The following NDRG3 variants were observed in gnomAD, a reference collection of about 807,000 sequenced individuals.
NDRG3 encodes the protein NDRG family member 3, also known as protein NDRG3.
Under a neutral mutation model 57.2 loss-of-function variants are expected in NDRG3, and 23 were observed. The observed-to-expected ratio is 0.40, with a 90% CI of 0.29 to 0.57. NDRG3 has a LOEUF of 0.57. NDRG3 is among the 20% of genes least tolerant of loss of function. The probability of loss-of-function intolerance (pLI) is 0.42; values close to 1 mark genes in which losing one functional copy is unlikely to be tolerated. For synonymous variants in NDRG3, 132 were observed against 162.6 expected, an observed-to-expected ratio of 0.81 and a Z score of 1.43; for missense variants, 384 against 457.3, an observed-to-expected ratio of 0.84 and a Z score of 1.46.
chr20:36,656,737 A>C (rs1005978257), intron 13 of NDRG3, among the ~76,000 whole-genome samples: 1 of 152,232 alleles, frequency 6.6e-6, no homozygotes, highest in Admixed American at 6.5e-5. Flanking sequence ...TTTATCAATA[A>C]GACTGAAGCC....
At chr20:36,728,221 T>C (rs936592220) in intron 1 of NDRG3, among the ~76,000 whole-genome samples, 1 of 151,666 alleles carries the variant, frequency 6.6e-6, no homozygotes, top group African/African-American at 2.4e-5. Flanking sequence ...GCCCGGCTAA[T>C]TTTTTTGTAT....
intron 8 of NDRG3, among the ~76,000 whole-genome samples, chr20:36,677,028 G>A (rs1980791631): frequency 6.6e-6 from 1 of 152,238 alleles, no homozygotes; most frequent in Non-Finnish European, 1.5e-5. Flanking sequence ...GAACAGGCAG[G>A]ATTTGCCTTC....
chr20:36,654,728 G>A (rs544976054), intron 15 of NDRG3: 36 of 776,514 alleles, frequency 4.6e-5, no homozygotes, highest in East Asian at 4.6e-4. Context: ...GGAAGACCGC[G>A]GACATGCTGC....
chr20:36,700,347 G>A, intron 3 of NDRG3: 1 of 408,760 alleles, frequency 2.4e-6, no homozygotes, highest in South Asian at 1.9e-5. Context: ...GCCCCTAGTT[G>A]TCAATGTCTC....
At chr20:36,706,924 C>T in intron 3 of NDRG3, 48 bp downstream of exon 3, 1 of 1,543,864 alleles carries the variant, frequency 6.5e-7, no homozygotes, top group Non-Finnish European at 8.9e-7. Context: ...AAAGGAAACA[C>T]TGCAGAGATC....
chr20:36,693,105 AATATATATATATAT>A (rs1290033865), intron 3 of NDRG3, among the ~76,000 whole-genome samples: 13 of 25,858 alleles, frequency 5.0e-4, no homozygotes, highest in African/African-American at 1.1e-3. Flanking sequence ...AAAAAAAAAA[AATATATATATATAT>A]ATATATATAT....
chr20:36,739,986 G>A (rs558137461), intron 1 of NDRG3, among the ~76,000 whole-genome samples: 3 of 150,662 alleles, frequency 2.0e-5, no homozygotes, highest in African/African-American at 7.3e-5. Flanking sequence ...AGTATAAAGA[G>A]TGGCTATATC....
intron 9 of NDRG3, among the ~76,000 whole-genome samples, chr20:36,669,117 C>T (rs1452619488): frequency 2.6e-5 from 4 of 151,160 alleles, no homozygotes; most frequent in South Asian, 2.1e-4. Context: ...AGTGCAATGG[C>T]GCGATCTCGG....
chr20:36,664,207 T>C (rs1979428258), intron 12 of NDRG3, among the ~76,000 whole-genome samples: 1 of 152,210 alleles, frequency 6.6e-6, no homozygotes, highest in Non-Finnish European at 1.5e-5. Flanking sequence ...GGAAAAATGC[T>C]ATCAGTAGTG....
intron 9 of NDRG3, 87 bp from the exon 10 acceptor site, chr20:36,666,479 C>G: frequency 1.1e-6 from 1 of 939,830 alleles, no homozygotes; most frequent in Non-Finnish European, 1.7e-6. Context: ...TTACCACAAG[C>G]CAAATCGTGC....
In NDRG3 at chr20:36,665,043, T is replaced by C; in HGVS notation, c.810+3A>G. The C allele has an allele frequency of 6.2e-7, 1 of 1,614,030 alleles. No homozygotes were observed. Among genetic ancestry groups the C allele is most frequent in the Non-Finnish European group, 8.5e-7 (1 of 1,179,886 alleles). ...CATCTTCACAGCATGAGGACATACT[T>C]ACCACAGCCTCAACTGCAGGCGAAT... is the stretch of plus-strand genomic sequence containing the variant. On this transcript the variant is annotated splice_donor_region_variant and intron_variant, in intron 12 of 15. Transcript: ENST00000349004.
chr20:36,682,917 T>A lies in NDRG3; in HGVS notation c.384-339A>T, dbSNP rs774146346. 1.5e-4 allele frequency among the ~76,000 whole-genome samples: 22 copies of A among 147,838 alleles called. 1 individual carries two copies. The highest frequency in any genetic ancestry group is 2.7e-4 in the Admixed American group (4 of 14,840). Reference sequence around the variant, plus strand: ...CCCGTCTCTACTAAAATACAAAAAATTAGCCGGGCATGGTGGCGTGCGCCT... The same window carrying A: ...CCCGTCTCTACTAAAATACAAAAAAATAGCCGGGCATGGTGGCGTGCGCCT... On this transcript the variant is annotated intron_variant, in intron 6 of 15. Coordinates refer to ENST00000349004, the MANE Select transcript of NDRG3 (RefSeq NM_032013.4).
intron 2 of NDRG3, among the ~76,000 whole-genome samples, chr20:36,711,808 T>C (rs1327611883): frequency 1.3e-5 from 2 of 152,222 alleles, no homozygotes; most frequent in African/African-American, 4.8e-5. Context: ...AGACGGAGTC[T>C]CGCTTTGTCG....
rs767384389 is a variant in NDRG3, at chr20:36,706,337, C to T, written c.93+635G>A. 3.3e-5 allele frequency among the ~76,000 whole-genome samples: 5 copies of T among 152,132 alleles called. No homozygotes were observed. The South Asian group carries it at 8.3e-4, about 25-fold the overall frequency. ...ATCTGCCCTTCTCCTATCTTCTCTG[C>T]GGTAAGGTAGCAACCCTCCATTTGC... On this transcript the variant is annotated intron_variant, in intron 3 of 15. Coordinates refer to ENST00000349004, the MANE Select transcript of NDRG3 (RefSeq NM_032013.4).
chr20:36,669,685 G>C (rs1979974322), intron 9 of NDRG3, among the ~76,000 whole-genome samples: 1 of 151,918 alleles, frequency 6.6e-6, no homozygotes, highest in Admixed American at 6.6e-5. Context: ...TTTTTATAAA[G>C]ACAGGGTCCC....
intron 2 of NDRG3, among the ~76,000 whole-genome samples, chr20:36,715,804 C>T (rs1049833811): frequency 1.3e-5 from 2 of 151,764 alleles, no homozygotes; most frequent in Non-Finnish European, 2.9e-5. Flanking sequence ...GTACTCTAAC[C>T]TGGATGACAG....
intron 1 of NDRG3, among the ~76,000 whole-genome samples, chr20:36,728,820 G>A (rs1304889238): frequency 6.6e-6 from 1 of 151,988 alleles, no homozygotes; most frequent in Non-Finnish European, 1.5e-5. Context: ...CCGCCTCCTG[G>A]GCTCAAGCGA....
intron 1 of NDRG3, among the ~76,000 whole-genome samples, chr20:36,737,250 A>G (rs1298351793): frequency 1.3e-5 from 2 of 152,146 alleles, no homozygotes; most frequent in East Asian, 3.9e-4. Context: ...AGTAACTCTA[A>G]AAGCAGAAGC....
Position 36,665,243 on chromosome 20 carries a change from T to C in NDRG3, c.751A>G (p.Thr251Ala), listed in dbSNP as rs147148181. Reference sequence around the variant, plus strand: ...GGAAACTGAGGAACTTACTTTAATGTTTTTGATTTGTTATCATTTTGGCCC... The same window carrying C: ...GGAAACTGAGGAACTTACTTTAATGCTTTTGATTTGTTATCATTTTGGCCC... Reference protein sequence around the residue: ...ILGQNDNKSKTLKCSTLLVVG... With the variant: ...ILGQNDNKSKALKCSTLLVVG... Residue 251 changes from threonine (T) to alanine (A), a missense_variant, in exon 11 of 16, where the codon ACA (threonine) becomes GCA (alanine). By Grantham distance (58) the Thr-to-Ala change is moderately conservative. Coordinates refer to ENST00000349004, the MANE Select transcript of NDRG3 (RefSeq NM_032013.4). 4.3e-5 allele frequency: 70 copies of C among 1,614,120 alleles called. No individual in the cohort carries two copies. In the African/African-American group the frequency reaches 8.8e-4, roughly 20 times the overall value.
Sources: allele counts gnomAD v4.1 joint callset (sites outside exome capture counted in the v4.1 genomes callset), GRCh38; gene constraint gnomAD v4.1.1; transcripts MANE v1.5; gene names NCBI Gene and HGNC (gene_info 2026-07-23, HGNC 2026-07-21).